PARVA: variants seen among roughly 807,000 people sequenced by gnomAD.
PARVA encodes the protein parvin alpha, also known as alpha-parvin.
PARVA carries 25 observed loss-of-function variants against 52.6 expected under a neutral mutation model. That is an observed-to-expected ratio of 0.48 (90% CI 0.35 to 0.66). PARVA has a LOEUF of 0.66. PARVA is among the 30% of genes least tolerant of loss of function. The pLI, the probability that PARVA is intolerant of heterozygous loss-of-function variation, is 0.01. For missense variants in PARVA, 373 were observed against 450.9 expected (o/e 0.83, Z 1.56); for synonymous variants, 185 against 179.1 (o/e 1.03, Z -0.26).
chr11:12,449,306 C>T (rs1940592207), intron 1 of PARVA, among the ~76,000 whole-genome samples: 1 of 152,040 alleles, frequency 6.6e-6, no homozygotes, highest in African/African-American at 2.4e-5. Flanking sequence ...TACAGGTGTG[C>T]ACCACCATGC....
intron 1 of PARVA, among the ~76,000 whole-genome samples, chr11:12,429,797 C>T (rs953075882): frequency 6.6e-6 from 1 of 152,132 alleles, no homozygotes; most frequent in South Asian, 2.1e-4. Flanking sequence ...ATATAAATAA[C>T]TCCCACAAGC....
chr11:12,480,961 ACGTTCCC>A (rs1941078812), intron 4 of PARVA, among the ~76,000 whole-genome samples: 1 of 152,156 alleles, frequency 6.6e-6, no homozygotes, highest in Non-Finnish European at 1.5e-5. Flanking sequence ...CTCTGACCTT[ACGTTCCC>A]CTCTGGCTAT....
rs1199578661 is a variant in PARVA at position 12,530,084 on chromosome 11, A to T, written c.*2159A>T. On this transcript the variant is annotated 3_prime_UTR_variant, in exon 13 of 13. Transcript: ENST00000334956. ...TCTTTTTCTTATATTCAAGTTACAA[A>T]TGTACAAGTATCCTTACTAAGAGTG... The T allele has an allele frequency of 6.6e-6, 1 of 152,192 alleles. No individual in the cohort carries two copies. The highest frequency in any genetic ancestry group is 2.4e-5 in the African/African-American group (1 of 41,460). The allele number at this position is 152,192 out of a possible 1,614,324, so 9.4% of individuals were successfully genotyped here.
At chr11:12,432,547 G>A (rs1940329011) in intron 1 of PARVA, among the ~76,000 whole-genome samples, 1 of 152,210 alleles carries the variant, frequency 6.6e-6, no homozygotes, top group African/African-American at 2.4e-5. Context: ...ATCCAAAGAG[G>A]TAACTTGCAA....
chr11:12,421,205 G>A (rs1940144506), intron 1 of PARVA, among the ~76,000 whole-genome samples: 1 of 151,870 alleles, frequency 6.6e-6, no homozygotes, highest in Non-Finnish European at 1.5e-5. Context: ...GCACAGATGA[G>A]GCTATCCAAG....
rs1941818863 is a variant in PARVA at position 12,535,150 on chromosome 11, A to G, written c.*7225A>G. The stretch of plus-strand genomic sequence containing the variant: ...TCATTGGTTCTCCCAGCTCACTTCC[A>G]TAATGTCCTCCTAGGCTGCATTGGA... On this transcript the variant is annotated 3_prime_UTR_variant, in exon 13 of 13. Transcript: ENST00000334956. Among the ~76,000 whole-genome samples, 2 of 152,164 alleles carry G rather than the reference A, an allele frequency of 1.3e-5. No homozygotes were observed. Among genetic ancestry groups the G allele is most frequent in the African/African-American group, 4.8e-5 (2 of 41,430 alleles).
chr11:12,511,646 A>C, intron 8 of PARVA, 113 bp downstream of exon 8: 1 of 1,163,718 alleles, frequency 8.6e-7, no homozygotes. Flanking sequence ...ATACGTCTTC[A>C]CCAGCCTGGG....
upstream of PARVA, chr11:12,377,181 C>A (rs181457491): frequency 2.0e-3 from 529 of 267,224 alleles, 1 homozygote; most frequent in Non-Finnish European, 2.9e-3. Flanking sequence ...GGCCTGATAA[C>A]CCCACAGGCA....
intron 1 of PARVA, among the ~76,000 whole-genome samples, chr11:12,443,864 G>A (rs1940505949): frequency 6.6e-6 from 1 of 152,132 alleles, no homozygotes; most frequent in Non-Finnish European, 1.5e-5. Flanking sequence ...TCTAGGTTGA[G>A]CCCTGCTTCT....
intron 10 of PARVA, among the ~76,000 whole-genome samples, 158 bp downstream of exon 10, chr11:12,514,223 AT>A (rs1172206031): frequency 6.6e-6 from 1 of 152,016 alleles, no homozygotes; most frequent in Non-Finnish European, 1.5e-5. Context: ...GTCTCTGTGG[AT>A]TTTTTCCAAC....
At chr11:12,504,774 G>GGGGTGT (rs1554901960) in intron 6 of PARVA, among the ~76,000 whole-genome samples, 4 of 149,240 alleles carry the variant, frequency 2.7e-5, no homozygotes, top group Non-Finnish European at 4.4e-5. Flanking sequence ...AAGGTATGTG[G>GGGGTGT]GTGTGTGTGT....
At chr11:12,525,781 G>C (rs1264293363) in intron 12 of PARVA, among the ~76,000 whole-genome samples, 1 of 152,136 alleles carries the variant, frequency 6.6e-6, no homozygotes, top group Non-Finnish European at 1.5e-5. Flanking sequence ...GGGAGCTCCA[G>C]GCCACTCCAG....
chr11:12,512,852 G>C (rs894098056), intron 8 of PARVA, among the ~76,000 whole-genome samples: 5 of 152,168 alleles, frequency 3.3e-5, no homozygotes, highest in African/African-American at 9.6e-5. Flanking sequence ...CTGGCTCCCA[G>C]CCCTCTTCTC....
chr11:12,508,948 A>G (rs1388296682), intron 7 of PARVA, among the ~76,000 whole-genome samples: 5 of 151,970 alleles, frequency 3.3e-5, no homozygotes, highest in African/African-American at 1.2e-4. Context: ...CATGCCATAA[A>G]CACTGGGTTG....
intron 1 of PARVA, among the ~76,000 whole-genome samples, chr11:12,414,464 C>T (rs560494645): frequency 1.3e-5 from 2 of 152,296 alleles, no homozygotes; most frequent in South Asian, 2.1e-4. Flanking sequence ...CATCTTTCAG[C>T]GCTGCTGGAG....
chr11:12,420,826 A>G (rs1475793088), intron 1 of PARVA, among the ~76,000 whole-genome samples: 1 of 152,152 alleles, frequency 6.6e-6, no homozygotes, highest in African/African-American at 2.4e-5. Flanking sequence ...CTGTTTGCCC[A>G]TGTTCACACA....
At chr11:12,463,396 T>C (rs551826505) in intron 1 of PARVA, among the ~76,000 whole-genome samples, 1 of 152,278 alleles carries the variant, frequency 6.6e-6, no homozygotes, top group East Asian at 1.9e-4. Flanking sequence ...ACTTTGACAG[T>C]TTTGAGGAGT....
At chr11:12,491,185 C>CTTGCTTGGGTCTTGCTTG (rs1162085522) in intron 4 of PARVA, among the ~76,000 whole-genome samples, 1 of 152,166 alleles carries the variant, frequency 6.6e-6, no homozygotes, top group East Asian at 1.9e-4. Context: ...TGTTTTGAGA[C>CTTGCTTGGGTCTTGCTTG]AGGGTCTTGC....
chr11:12,390,803 TTAA>T (rs1939648334), intron 1 of PARVA, among the ~76,000 whole-genome samples: 1 of 152,282 alleles, frequency 6.6e-6, no homozygotes, highest in South Asian at 2.1e-4. Flanking sequence ...TGACAGGTAA[TTAA>T]TAATGACAGC....
Sources: allele counts gnomAD v4.1 joint callset (sites outside exome capture counted in the v4.1 genomes callset), GRCh38; gene constraint gnomAD v4.1.1; transcripts MANE v1.5; gene names NCBI Gene and HGNC (gene_info 2026-07-23, HGNC 2026-07-21).